Variants in EXTL3 observed in about 807,000 individuals in gnomAD.
EXTL3 encodes exostosin like glycosyltransferase 3, also known as exostosin-like 3.
EXTL3 carries 27 observed loss-of-function variants against 69.3 expected under a neutral mutation model. The observed-to-expected ratio is 0.39, with a 90% CI of 0.29 to 0.54. The LOEUF (loss-of-function observed/expected upper bound fraction) is 0.54, where lower values mean the gene tolerates loss of function less well. Among genes scored for constraint, EXTL3 ranks in the 20% least tolerant of loss-of-function variants. The pLI is 0.69. For synonymous variants in EXTL3, 511 were observed against 499.4 expected (o/e 1.02, Z -0.31); for missense variants, 1,003 against 1,231.8 (o/e 0.81, Z 2.78).
chr8:28,616,050 T>C (rs1335908667), intron 2 of EXTL3, among the ~76,000 whole-genome samples: 1 of 151,010 alleles, frequency 6.6e-6, no homozygotes, highest in Admixed American at 6.6e-5. Flanking sequence ...ACTTGGGCAA[T>C]ATAGGGAGAT....
intron 1 of EXTL3, among the ~76,000 whole-genome samples, chr8:28,629,406 G>T (rs1237166319): frequency 1.2e-4 from 18 of 150,666 alleles, no homozygotes; most frequent in African/African-American, 4.5e-4. Context: ...ACGTTAGAGT[G>T]AGTTAGTTCA....
chr8:28,633,555 A>G (rs938344488), intron 1 of EXTL3, among the ~76,000 whole-genome samples: 1 of 151,856 alleles, frequency 6.6e-6, no homozygotes, highest in Non-Finnish European at 1.5e-5. Flanking sequence ...AATCACGTGA[A>G]CCCAGGAGGC....
At chr8:28,660,513 TACAC>T (rs1483247265) in intron 1 of EXTL3, among the ~76,000 whole-genome samples, 1 of 152,104 alleles carries the variant, frequency 6.6e-6, no homozygotes, top group African/African-American at 2.4e-5. Context: ...TATATACACA[TACAC>T]ACACTCCCAA....
intron 1 of EXTL3, among the ~76,000 whole-genome samples, chr8:28,664,255 C>T (rs1807159447): frequency 6.6e-6 from 1 of 152,242 alleles, no homozygotes; most frequent in African/African-American, 2.4e-5. Flanking sequence ...AGGGTGCCAG[C>T]ATGGTCACAT....
intron 5 of EXTL3, 99 bp from the exon 6 acceptor site, chr8:28,742,987 C>T: frequency 7.5e-7 from 1 of 1,325,746 alleles, no homozygotes; most frequent in Non-Finnish European, 1.1e-6. Context: ...CTAGTTACTG[C>T]CACACCCAAA....
At chr8:28,609,393 G>C (rs1019099563) in intron 2 of EXTL3, among the ~76,000 whole-genome samples, 1 of 151,766 alleles carries the variant, frequency 6.6e-6, no homozygotes, top group African/African-American at 2.4e-5. Context: ...GAGTGGACTT[G>C]GGTGCATTTC....
At chr8:28,658,877 G>A (rs1450350590) in intron 1 of EXTL3, among the ~76,000 whole-genome samples, 5 of 152,104 alleles carry the variant, frequency 3.3e-5, no homozygotes, top group African/African-American at 7.2e-5. Flanking sequence ...CACTGCACCC[G>A]GCCCTCCTCA....
At chr8:28,619,899 C>T (rs1354711596), upstream of EXTL3, among the ~76,000 whole-genome samples, 2 of 106,698 alleles carry the variant, frequency 1.9e-5, no homozygotes, top group East Asian at 6.4e-4. Flanking sequence ...GAGACGGAGT[C>T]TCGCTCTGTC....
intron 4 of EXTL3, 84 bp from the exon 5 acceptor site, chr8:28,737,431 CTTGT>C: frequency 7.0e-7 from 1 of 1,423,282 alleles, no homozygotes; most frequent in African/African-American, 1.4e-5. Flanking sequence ...AGGGCCAGAG[CTTGT>C]AAGGTGGAGG....
rs74459132 is a variant in EXTL3, at chr8:28,677,204, G to T, written c.-52-36253G>T. Among the ~76,000 whole-genome samples, 24 of 152,266 alleles carry T rather than the reference G, an allele frequency of 1.6e-4. No individual in the cohort carries two copies. The East Asian group carries it at 4.6e-3, about 29-fold the overall frequency. ...AAATGAAAGCACCAGAGATGTGCAT[G>T]GTAAAAATATCAAAGAGCTATGGTG... On this transcript the variant is annotated intron_variant, in intron 1 of 6. Transcript: ENST00000523149.
chr8:28,608,831 G>T lies in EXTL3; in HGVS notation n.314+1073G>T, dbSNP rs368946541. On this transcript the variant is annotated intron_variant and non_coding_transcript_variant, in intron 2 of 4. Transcript: ENST00000522725. ...CCAAGATTATGCCACTGTTCTCCAG[G>T]CTGGGAGATAGAGCAAGACTGTGTC... 1.3e-3 allele frequency among the ~76,000 whole-genome samples: 205 copies of T among 152,118 alleles called. 2 individuals are homozygous for T. The highest frequency in any genetic ancestry group is 4.7e-3 in the African/African-American group (196 of 41,452).
upstream of EXTL3, among the ~76,000 whole-genome samples, chr8:28,620,535 G>A (rs1441756278): frequency 6.6e-6 from 1 of 152,156 alleles, no homozygotes; most frequent in Non-Finnish European, 1.5e-5. Context: ...CCGGTCTCAG[G>A]CATTTGGACC....
chr8:28,665,416 C>CTTT (rs34069791), intron 1 of EXTL3, among the ~76,000 whole-genome samples: 12 of 115,382 alleles, frequency 1.0e-4, no homozygotes, highest in East Asian at 2.6e-4. Context: ...CACTTGTTTA[C>CTTT]TTTTTTTTTT....
At chr8:28,688,484 C>T (rs1289175564) in intron 1 of EXTL3, among the ~76,000 whole-genome samples, 1 of 152,244 alleles carries the variant, frequency 6.6e-6, no homozygotes, top group Non-Finnish European at 1.5e-5. Context: ...ATAATCCTTA[C>T]ACTACTCCTA....
intron 2 of EXTL3, among the ~76,000 whole-genome samples, chr8:28,612,349 G>A (rs1038799376): frequency 3.3e-5 from 5 of 152,012 alleles, no homozygotes; most frequent in African/African-American, 7.3e-5. Context: ...AGCAACTTGG[G>A]AGGCTGAGGC....
intron 6 of EXTL3, among the ~76,000 whole-genome samples, chr8:28,745,147 T>A (rs935901656): frequency 7.9e-5 from 12 of 151,158 alleles, no homozygotes; most frequent in African/African-American, 2.9e-4. Context: ...GAATGTGCCA[T>A]GGGCGTGTCT....
Position 28,631,674 on chromosome 8 carries a change from G to A in EXTL3, c.-53+8864G>A, listed in dbSNP as rs558986186. ...TATGCTTCAGATAAACTAAACAGGA[G>A]GTAGGATGATGCCATGGAAAAGGCA... On this transcript the variant is annotated intron_variant, in intron 1 of 6. Coordinates refer to the EXTL3 transcript ENST00000523149. The A allele has an allele frequency of 2.0e-5, 3 of 152,306 alleles. No homozygotes were observed. The East Asian group carries it at 5.8e-4, about 29-fold the overall frequency. The allele number at this position is 152,306 out of a possible 1,614,324, so 9.4% of individuals were successfully genotyped here.
chr8:28,665,582 T>C (rs1043855887), intron 1 of EXTL3, among the ~76,000 whole-genome samples: 4 of 151,820 alleles, frequency 2.6e-5, no homozygotes, highest in African/African-American at 9.7e-5. Flanking sequence ...AAGCTAATTT[T>C]TGTATTTCTT....
intron 1 of EXTL3, among the ~76,000 whole-genome samples, chr8:28,712,854 T>C (rs1429953555): frequency 6.6e-6 from 1 of 152,240 alleles, no homozygotes; most frequent in Non-Finnish European, 1.5e-5. Flanking sequence ...TTAGACTAAC[T>C]ATAGTCAGTC....
Sources: allele counts gnomAD v4.1 joint callset (sites outside exome capture counted in the v4.1 genomes callset), GRCh38; gene constraint gnomAD v4.1.1; transcripts MANE v1.5; gene names NCBI Gene and HGNC (gene_info 2026-07-23, HGNC 2026-07-21).